Variants in MFSD12 observed in about 807,000 individuals in gnomAD.
The protein encoded by MFSD12 is major facilitator superfamily domain-containing protein 12.
Under a neutral mutation model 51.2 loss-of-function variants are expected in MFSD12, and 67 were observed. The ratio of observed to expected loss-of-function variants is 1.31; its 90% CI spans 1.08 to 1.60. MFSD12 has a LOEUF of 1.60. MFSD12 is among the 40% of genes most tolerant of loss of function. The pLI, the probability that MFSD12 is intolerant of heterozygous loss-of-function variation, is 0.00. For missense variants in MFSD12, 921 were observed against 673.0 expected (o/e 1.37, Z -4.08); for synonymous variants, 441 against 316.7 (o/e 1.39, Z -4.17).
chr19:3,551,170 A>G lies in MFSD12; in HGVS notation c.323T>C (p.Phe108Ser). The G allele has an allele frequency of 6.2e-7, 1 of 1,611,154 alleles. No homozygotes were observed. The highest frequency in any genetic ancestry group is 8.5e-7 in the Non-Finnish European group (1 of 1,179,246). ...LVGTVCVLLSFPFIFSPCLGC... is the reference protein window; with the variant it reads ...LVGTVCVLLSSPFIFSPCLGC... ...CAGGCAGGGGCTGAAGATGAAGGGG[A>G]AGGACAGCAGGACGCAGACGGTGCC... is the stretch of plus-strand genomic sequence containing the variant. The change falls in exon 2 of 10, where the codon TTC becomes TCC. Residue 108 changes from phenylalanine (F) to serine (S), a missense_variant. Phe to Ser is a radical substitution (Grantham distance 155). Transcript: ENST00000355415. This position sits in a 1 kb window ranked among gnomAD's most constrained non-coding sequence, Gnocchi z 4.6.
At chr19:3,540,804 C>T (rs903259041), downstream of MFSD12, among the ~76,000 whole-genome samples, 2 of 132,636 alleles carry the variant, frequency 1.5e-5, no homozygotes, top group African/African-American at 2.9e-5. Flanking sequence ...ACTTGAACCT[C>T]GGAGGCAGAG....
chr19:3,543,739 A>C (rs937417542), downstream of MFSD12: 3 of 1,494,024 alleles, frequency 2.0e-6, no homozygotes, highest in African/African-American at 2.8e-5. Flanking sequence ...CACCTAGGCC[A>C]GGGTGAAACT....
At chr19:3,556,802 G>A (rs184586109) in intron 1 of MFSD12, among the ~76,000 whole-genome samples, 36 of 138,198 alleles carry the variant, frequency 2.6e-4, no homozygotes, top group African/African-American at 8.7e-4. Flanking sequence ...AGAGAGAGGG[G>A]GCTGGGTGGT....
At chr19:3,538,548 T>C in exon 5 of MFSD12, 1 of 390,994 alleles carries the variant, frequency 2.6e-6, no homozygotes, top group Non-Finnish European at 5.2e-6. Context: ...TACCCTTCTG[T>C]GTCTGGTGTC....
chr19:3,544,353 A>AC lies in MFSD12; in HGVS notation c.*356dup, dbSNP rs956085146. 69 of 1,263,764 alleles carry AC rather than the reference A, an allele frequency of 5.5e-5. No homozygotes were observed. The highest frequency in any genetic ancestry group is 6.9e-5 in the Non-Finnish European group (69 of 1,004,124). 78.3% of individuals were successfully genotyped at this position (1,263,764 alleles called of 1,614,324 possible). A position where few individuals can be genotyped will look rare whatever the true frequency, so the allele number is the denominator to read the frequency against. On this transcript the variant is annotated 3_prime_UTR_variant, in exon 10 of 10. Transcript: ENST00000355415. Reference sequence around the variant, plus strand: ...GAGGGGGCCCTGGCAGTGTCTGGAGACCCCCAGGCTGGAGGTGAGGGGTGA... The same window carrying AC: ...GAGGGGGCCCTGGCAGTGTCTGGAGACCCCCCAGGCTGGAGGTGAGGGGTGA...
chr19:3,538,472 C>T (rs952102185), exon 5 of MFSD12: 4 of 325,514 alleles, frequency 1.2e-5, no homozygotes, highest in East Asian at 8.7e-5. Flanking sequence ...CCGGCACCCA[C>T]GAATCCTCTC....
At chr19:3,538,988 C>T in intron 4 of MFSD12, 2 of 630,646 alleles carry the variant, frequency 3.2e-6, no homozygotes, top group South Asian at 1.8e-5. Flanking sequence ...TGGCCTTGCC[C>T]ACCCACACTG....
chr19:3,545,395 C>T (rs1206060762), intron 8 of MFSD12, among the ~76,000 whole-genome samples: 3 of 152,212 alleles, frequency 2.0e-5, no homozygotes, highest in Non-Finnish European at 4.4e-5. Flanking sequence ...ACGACCTGCC[C>T]TCCCCTCCTC....
At chr19:3,543,227 A>T, downstream of MFSD12, 1 of 1,541,032 alleles carries the variant, frequency 6.5e-7, no homozygotes, top group Middle Eastern at 1.8e-4. Context: ...CCCCCTGCCC[A>T]CCCTCAGCGA....
At chr19:3,547,028 C>A (rs954197180) in intron 6 of MFSD12, among the ~76,000 whole-genome samples, 1 of 152,274 alleles carries the variant, frequency 6.6e-6, no homozygotes, top group East Asian at 1.9e-4. Context: ...TTAGTAGAGA[C>A]GGGGTTTCAC....
At chr19:3,543,144 C>G (rs1221631186), downstream of MFSD12, 1 of 1,512,362 alleles carries the variant, frequency 6.6e-7, no homozygotes, top group South Asian at 1.3e-5. Context: ...TGGGCCAGGC[C>G]TCTACATCAT....
At chr19:3,541,250 C>T (rs907619804), downstream of MFSD12, among the ~76,000 whole-genome samples, 40 of 151,436 alleles carry the variant, frequency 2.6e-4, no homozygotes, top group African/African-American at 4.9e-4. Context: ...GTAGGAGGAT[C>T]GCTTGAGCCT....
chr19:3,538,923 G>A (rs528431458), intron 4 of MFSD12: 14 of 655,258 alleles, frequency 2.1e-5, no homozygotes, highest in East Asian at 8.6e-5. Flanking sequence ...GACCCCAGGT[G>A]GGGGGTGCAT....
At chr19:3,547,739 G>T in intron 4 of MFSD12, 109 bp downstream of exon 4, 1 of 1,335,408 alleles carries the variant, frequency 7.5e-7, no homozygotes, top group Non-Finnish European at 1.0e-6. Context: ...GGTGTGGGCT[G>T]CACCAGGGGC....
chr19:3,547,979 G>A lies in MFSD12; in HGVS notation c.706C>T (p.His236Tyr), dbSNP rs767180253. The A allele has an allele frequency of 4.4e-6, 7 of 1,598,392 alleles. No homozygotes were observed. Among genetic ancestry groups the A allele is most frequent in the Middle Eastern group, 1.7e-4 (1 of 6,040 alleles). ...GVGAVFSLLF[H>Y]LGTRERRRPH... is the part of the protein sequence containing the mutation. The stretch of plus-strand genomic sequence containing the variant: ...CGGCGCCTCTCCCGGGTGCCCAGGT[G>A]GAATAGCAGTGAGAACACGGCGCCG... The change falls in exon 4 of 10, where the codon CAC (histidine) becomes TAC (tyrosine). Residue 236 changes from histidine to tyrosine, a missense_variant. Coordinates refer to ENST00000355415, the MANE Select transcript of MFSD12 (RefSeq NM_174983.5).
downstream of MFSD12, chr19:3,539,223 G>A (rs910891542): frequency 3.9e-6 from 6 of 1,550,552 alleles, no homozygotes; most frequent in Non-Finnish European, 5.2e-6. Context: ...TATCCCCTCG[G>A]GGACCCTCGA....
downstream of MFSD12, chr19:3,539,428 TG>T (rs1177112405): frequency 1.2e-5 from 7 of 589,296 alleles, no homozygotes; most frequent in Non-Finnish European, 2.1e-5. Flanking sequence ...CTCCGGCCAG[TG>T]GCCGCTCACT....
intron 2 of MFSD12, among the ~76,000 whole-genome samples, chr19:3,549,723 CAAA>C (rs5826823): frequency 1.9e-4 from 17 of 87,414 alleles, no homozygotes; most frequent in African/African-American, 1.4e-4. Flanking sequence ...ACTCTTGTCT[CAAA>C]AAAAAAAAAA....
At position 3,547,473 on chromosome 19, in the gene MFSD12, G is replaced by A. The variant is rs201415454; in HGVS notation, c.912C>T (p.Tyr304=). ...SQTYMAMYLT[Y]SLHLPKKFIA... Reference sequence around the variant, plus strand: ...TGCTCACCTTGGGCAGGTGGAGCGAGTAGGTGAGGTACATGGCCATGTAGG... The same window carrying A: ...TGCTCACCTTGGGCAGGTGGAGCGAATAGGTGAGGTACATGGCCATGTAGG... The change falls in exon 5 of 10, where the codon TAC becomes TAT. Residue 304 remains tyrosine (Y), a synonymous_variant. Coordinates refer to ENST00000355415, the MANE Select transcript of MFSD12 (RefSeq NM_174983.5). 1.7e-5 allele frequency: 28 copies of A among 1,613,078 alleles called. No homozygotes were observed. The highest frequency in any genetic ancestry group is 2.2e-5 in the Non-Finnish European group (26 of 1,179,980).
Sources: allele counts gnomAD v4.1 joint callset (sites outside exome capture counted in the v4.1 genomes callset), GRCh38; gene constraint gnomAD v4.1.1; non-coding constraint Gnocchi (gnomAD v3.1); transcripts MANE v1.5; gene names NCBI Gene and HGNC (gene_info 2026-07-23, HGNC 2026-07-21).